Variants in C1orf105 observed in about 807,000 individuals in gnomAD.
The protein encoded by C1orf105 is chromosome 1 open reading frame 105.
C1orf105 carries 17 observed loss-of-function variants against 20.8 expected under a neutral mutation model. The ratio of observed to expected loss-of-function variants is 0.82; its 90% CI spans 0.56 to 1.23. C1orf105 has a LOEUF of 1.23. C1orf105 is among the 50% of genes most tolerant of loss of function. The probability of loss-of-function intolerance (pLI) is 0.00; values close to 1 mark genes in which losing one functional copy is unlikely to be tolerated. For missense variants in C1orf105, 219 were observed against 213.5 expected (o/e 1.03, Z -0.16); for synonymous variants, 72 against 72.1 (o/e 1.00, Z 0.01).
chr1:172,437,423 A>G (rs556298418), intron 1 of C1orf105, among the ~76,000 whole-genome samples: 1 of 152,080 alleles, frequency 6.6e-6, no homozygotes, highest in Non-Finnish European at 1.5e-5. Flanking sequence ...GGATGAGTTC[A>G]TGTCCTTTGC....
intron 1 of C1orf105, among the ~76,000 whole-genome samples, chr1:172,427,977 A>G (rs1416486918): frequency 1.3e-5 from 2 of 152,150 alleles, no homozygotes; most frequent in Non-Finnish European, 2.9e-5. Context: ...TGTCTTCAAG[A>G]CATTTCCTAT....
chr1:172,427,810 T>G (rs1412657556), intron 1 of C1orf105, among the ~76,000 whole-genome samples: 1 of 152,204 alleles, frequency 6.6e-6, no homozygotes, highest in Non-Finnish European at 1.5e-5. Flanking sequence ...TTCTTGGTCC[T>G]TTTCTGTCTA....
chr1:172,455,598 C>A (rs1292398344), intron 3 of C1orf105, among the ~76,000 whole-genome samples: 2 of 152,210 alleles, frequency 1.3e-5, no homozygotes, highest in Non-Finnish European at 2.9e-5. Flanking sequence ...ATCAGAGATG[C>A]AAATGAGAAC....
At chr1:172,445,277 C>A (rs1173787303) in intron 2 of C1orf105, 119 bp downstream of exon 2, 3 of 779,894 alleles carry the variant, frequency 3.8e-6, no homozygotes, top group South Asian at 3.7e-5. Context: ...AAACTCAAGT[C>A]AAGTGCTTTA....
chr1:172,461,026 C>T (rs1649656677), intron 4 of C1orf105, among the ~76,000 whole-genome samples: 1 of 152,204 alleles, frequency 6.6e-6, no homozygotes, highest in African/African-American at 2.4e-5. Flanking sequence ...TCCCTTGGAG[C>T]AGAGTCAACT....
intron 1 of C1orf105, among the ~76,000 whole-genome samples, chr1:172,440,736 CTTA>C (rs1330646543): frequency 4.6e-5 from 7 of 152,128 alleles, no homozygotes; most frequent in South Asian, 2.1e-4. Context: ...CAGTAGTAGT[CTTA>C]TGTTGCCTGC....
rs1052862295 is a variant in C1orf105, at chr1:172,432,252, A to T, written c.21+11346A>T. On this transcript the variant is annotated intron_variant, in intron 1 of 6. Coordinates refer to ENST00000367727, the MANE Select transcript of C1orf105 (RefSeq NM_139240.4). Reference sequence around the variant, plus strand: ...AAGAGAGCAGTGGTTCTCCCAGCACAGCATTTGAACTCTGAGAATAGACAG... The same window carrying T: ...AAGAGAGCAGTGGTTCTCCCAGCACTGCATTTGAACTCTGAGAATAGACAG... 5.9e-5 allele frequency among the ~76,000 whole-genome samples: 9 copies of T among 152,346 alleles called. No homozygotes were observed. The South Asian group carries it at 6.2e-4, about 11-fold the overall frequency.
At chr1:172,429,427 T>C (rs2071809892) in intron 1 of C1orf105, among the ~76,000 whole-genome samples, 2 of 152,246 alleles carry the variant, frequency 1.3e-5, no homozygotes, top group African/African-American at 4.8e-5. Context: ...CAAACCACAA[T>C]TCAGCAAGAA....
chr1:172,438,018 T>C (rs1188645625), intron 1 of C1orf105, among the ~76,000 whole-genome samples: 1 of 152,122 alleles, frequency 6.6e-6, no homozygotes, highest in Admixed American at 6.6e-5. Context: ...ACGTGAAATC[T>C]ACTCTGCTCA....
chr1:172,440,429 T>A (rs980709745), intron 1 of C1orf105, among the ~76,000 whole-genome samples: 2 of 152,348 alleles, frequency 1.3e-5, no homozygotes, highest in Admixed American at 6.5e-5. Context: ...TTCAAAGCAC[T>A]TTGCATGTAT....
At chr1:172,448,212 G>A (rs1020016620) in intron 2 of C1orf105, among the ~76,000 whole-genome samples, 2 of 152,180 alleles carry the variant, frequency 1.3e-5, no homozygotes, top group African/African-American at 4.8e-5. Context: ...TTTGTACAGT[G>A]TCTGACAATC....
At chr1:172,435,804 T>A (rs895288796) in intron 1 of C1orf105, among the ~76,000 whole-genome samples, 1 of 152,214 alleles carries the variant, frequency 6.6e-6, no homozygotes, top group East Asian at 1.9e-4. Flanking sequence ...GGAAGTCAAA[T>A]TGTCCCTGTT....
At chr1:172,434,543 C>T (rs2071975209) in intron 1 of C1orf105, among the ~76,000 whole-genome samples, 1 of 152,182 alleles carries the variant, frequency 6.6e-6, no homozygotes, top group African/African-American at 2.4e-5. Context: ...TAAAGATGTT[C>T]TTTGAAACCA....
intron 5 of C1orf105, among the ~76,000 whole-genome samples, chr1:172,462,752 T>C (rs2018244): frequency 0.78 from 118,439 of 151,998 alleles, 46,456 homozygotes; most frequent in East Asian, 1. Context: ...TTTTTTTGTG[T>C]GTTTTGTTTT....
intron 1 of C1orf105, among the ~76,000 whole-genome samples, chr1:172,436,161 C>T (rs999730966): frequency 2.0e-5 from 3 of 152,136 alleles, no homozygotes; most frequent in Non-Finnish European, 4.4e-5. Flanking sequence ...AATGGCCATA[C>T]CGCCCAAGGT....
chr1:172,457,323 G>A (rs1452530415), intron 4 of C1orf105, among the ~76,000 whole-genome samples: 1 of 152,156 alleles, frequency 6.6e-6, no homozygotes, highest in Non-Finnish European at 1.5e-5. Context: ...TTTGACTTGG[G>A]GAGGAAGGTG....
Position 172,452,212 on chromosome 1 carries a change from A to G in C1orf105, c.198+3681A>G, listed in dbSNP as rs1182114226. Among the ~76,000 whole-genome samples the G allele has an allele frequency of 4.6e-5, 7 of 152,194 alleles. No individual in the cohort carries two copies. The East Asian group carries it at 1.3e-3, about 29-fold the overall frequency. ...GAGTTTACTCTTCCCCTGAGGAAAC[A>G]TAATCCTTTTTATCCAAAAACTTTC... is the stretch of plus-strand genomic sequence containing the variant. On this transcript the variant is annotated intron_variant, in intron 3 of 6. Coordinates refer to ENST00000367727, the MANE Select transcript of C1orf105 (RefSeq NM_139240.4).
At chr1:172,452,049 T>A (rs1648710304) in intron 3 of C1orf105, among the ~76,000 whole-genome samples, 2 of 151,852 alleles carry the variant, frequency 1.3e-5, no homozygotes, top group South Asian at 4.2e-4. Context: ...ATTTTTGTAT[T>A]TTTAGTAGAG....
intron 1 of C1orf105, chr1:172,428,667 T>C: frequency 1.8e-6 from 1 of 557,938 alleles, no homozygotes; most frequent in South Asian, 2.4e-5. Context: ...CCTCTTTATT[T>C]AATGCTATGC....
Sources: gnomAD v4.1 joint callset for allele counts (sites outside exome capture counted in the v4.1 genomes callset) on GRCh38, gnomAD v4.1.1 for gene constraint, MANE v1.5 for transcripts, NCBI Gene and HGNC (gene_info 2026-07-23, HGNC 2026-07-21) for gene names.